The following HIVEP3 variants were observed in gnomAD, a reference collection of about 807,000 sequenced individuals.
HIVEP3 encodes transcription factor HIVEP3.
Under a neutral mutation model 152.8 loss-of-function variants are expected in HIVEP3, and 49 were observed. The observed-to-expected ratio is 0.32, with a 90% CI of 0.26 to 0.41. The LOEUF is 0.41. HIVEP3 is among the 10% of genes least tolerant of loss of function. HIVEP3 has a pLI of 1.00. For synonymous variants in HIVEP3, 1,269 were observed against 1,289.0 expected, an observed-to-expected ratio of 0.98 and a Z score of 0.33; for missense variants, 2,790 against 3,103.3, an observed-to-expected ratio of 0.90 and a Z score of 2.40.
intron 1 of HIVEP3, among the ~76,000 whole-genome samples, chr1:41,705,664 T>C (rs1274875587): frequency 6.6e-6 from 1 of 152,198 alleles, no homozygotes; most frequent in African/African-American, 2.4e-5. Flanking sequence ...ATGGGTGCTC[T>C]CACATCGCTG....
upstream of HIVEP3, among the ~76,000 whole-genome samples, chr1:41,921,764 C>G (rs369680108): frequency 2.2e-3 from 338 of 152,292 alleles, 2 homozygotes; most frequent in African/African-American, 7.7e-3. Flanking sequence ...TGGTCAGTTT[C>G]TCCACACAGA....
intron 1 of HIVEP3, among the ~76,000 whole-genome samples, chr1:42,028,996 G>A (rs1464203076): frequency 6.6e-6 from 1 of 152,192 alleles, no homozygotes; most frequent in Non-Finnish European, 1.5e-5. Context: ...ATTTTAGTGT[G>A]AAATCTCCCA....
intron 1 of HIVEP3, among the ~76,000 whole-genome samples, chr1:41,928,070 A>AAAC (rs1467744373): frequency 6.6e-6 from 1 of 151,822 alleles, no homozygotes; most frequent in East Asian, 1.9e-4. Context: ...CAAAAAAAAA[A>AAAC]AAAAAAAAAA....
intron 3 of HIVEP3, 65 bp downstream of exon 3, chr1:41,628,684 G>T: frequency 8.9e-7 from 1 of 1,117,694 alleles, no homozygotes; most frequent in Non-Finnish European, 1.1e-6. Context: ...AACTAAGCAA[G>T]CTCATGCAAG....
At chr1:41,518,231 TTGTC>T (rs1463290184) in intron 7 of HIVEP3, among the ~76,000 whole-genome samples, 167 bp downstream of exon 7, 1 of 152,072 alleles carries the variant, frequency 6.6e-6, no homozygotes, top group Non-Finnish European at 1.5e-5. Context: ...AATTTAACCT[TTGTC>T]TGATACTTGG....
At chr1:42,020,254 A>C (rs1645546110) in intron 1 of HIVEP3, among the ~76,000 whole-genome samples, 1 of 151,970 alleles carries the variant, frequency 6.6e-6, no homozygotes, top group African/African-American at 2.4e-5. Context: ...TCTCTGAAAG[A>C]GTATGTAAGA....
intron 1 of HIVEP3, among the ~76,000 whole-genome samples, chr1:41,857,803 C>G (rs1269864331): frequency 6.6e-6 from 1 of 152,176 alleles, no homozygotes; most frequent in Non-Finnish European, 1.5e-5. Context: ...CTCCTATTAC[C>G]TCTCTAAGCT....
At chr1:41,927,073 G>A (rs1644972116) in intron 1 of HIVEP3, among the ~76,000 whole-genome samples, 1 of 152,218 alleles carries the variant, frequency 6.6e-6, no homozygotes, top group African/African-American at 2.4e-5. Flanking sequence ...CAAGAACCAG[G>A]AGAGTCTGAT....
intron 3 of HIVEP3, among the ~76,000 whole-genome samples, chr1:41,620,694 C>T (rs762958548): frequency 1.3e-5 from 2 of 152,136 alleles, no homozygotes; most frequent in East Asian, 3.9e-4. Context: ...ATCTTTTCAC[C>T]CCTCTGTCTC....
chr1:41,618,856 C>T (rs969332193), intron 3 of HIVEP3, among the ~76,000 whole-genome samples: 14 of 152,218 alleles, frequency 9.2e-5, no homozygotes, highest in Non-Finnish European at 1.6e-4. Context: ...TTATACCTCA[C>T]GTCCCATCTG....
rs935128828 is a variant in HIVEP3, at chr1:41,918,186, G to A, written c.-801+227C>T. Among the ~76,000 whole-genome samples, 7 of 144,368 alleles carry A rather than the reference G, an allele frequency of 4.8e-5. No individual in the cohort carries two copies. The highest frequency in any genetic ancestry group is 1.2e-4 in the African/African-American group (5 of 40,960). 94.7% of individuals were successfully genotyped at this position (144,368 alleles called of 152,430 possible). A position where few individuals can be genotyped will look rare whatever the true frequency, so the allele number is the denominator to read the frequency against. On this transcript the variant is annotated intron_variant, in intron 1 of 8. Coordinates refer to ENST00000372583, the MANE Select transcript of HIVEP3 (RefSeq NM_024503.5). The surrounding 1 kb of genome is among the most constrained non-coding windows in gnomAD (Gnocchi z 4.3). The stretch of plus-strand genomic sequence containing the variant: ...GGCTCGCGCCGCTCCCCAGCACCAG[G>A]CCGAGCAGCGCGCTCAGCCCACCGG...
intron 6 of HIVEP3, among the ~76,000 whole-genome samples, chr1:41,520,429 G>A (rs762264750): frequency 2.0e-5 from 3 of 152,234 alleles, no homozygotes; most frequent in Non-Finnish European, 4.4e-5. Flanking sequence ...CTTGTAGCCA[G>A]AGGGTCCTCA....
intron 1 of HIVEP3, among the ~76,000 whole-genome samples, chr1:41,994,811 T>C (rs1645385980): frequency 6.6e-6 from 1 of 152,036 alleles, no homozygotes. Flanking sequence ...TGTTCAAATA[T>C]ATAAAGTATA....
At chr1:41,675,377 C>G (rs1325677168) in intron 2 of HIVEP3, among the ~76,000 whole-genome samples, 1 of 152,176 alleles carries the variant, frequency 6.6e-6, no homozygotes, top group Non-Finnish European at 1.5e-5. Flanking sequence ...CAGCGGACTC[C>G]TCTTCAACCT....
intron 1 of HIVEP3, among the ~76,000 whole-genome samples, chr1:41,913,394 A>G (rs1411592889): frequency 6.6e-6 from 1 of 152,100 alleles, no homozygotes; most frequent in East Asian, 1.9e-4. Flanking sequence ...TTATCAGGGC[A>G]TCTCTGATCT....
intron 2 of HIVEP3, among the ~76,000 whole-genome samples, chr1:41,698,787 C>A (rs776719968): frequency 1.5e-4 from 23 of 152,310 alleles, no homozygotes; most frequent in Admixed American, 2.6e-4. Flanking sequence ...ACAGCCCCCA[C>A]TGAATGTAGC....
In HIVEP3 at chr1:41,582,015, A is replaced by G; in HGVS notation, c.2783T>C (p.Leu928Pro). ...GESSFESSVP[L>P]SRSPSQESNV... ...GCTTTCCTGGCTCGGGCTGCGAGAC[A>G]GAGGCACAGAGGACTCGAAGCTGGA... The change falls in exon 4 of 9, where the codon CTG (leucine) becomes CCG (proline). Residue 928 changes from leucine (L) to proline (P), a missense_variant. Leu to Pro is a moderately conservative substitution (Grantham distance 98). Coordinates refer to ENST00000372583, the MANE Select transcript of HIVEP3 (RefSeq NM_024503.5). The surrounding 1 kb of genome is among the most constrained non-coding windows in gnomAD (Gnocchi z 4.7). The G allele has an allele frequency of 6.2e-7, 1 of 1,614,164 alleles. No homozygotes were observed.
chr1:41,862,315 T>C (rs1643898037), intron 1 of HIVEP3, among the ~76,000 whole-genome samples: 1 of 152,182 alleles, frequency 6.6e-6, no homozygotes, highest in Non-Finnish European at 1.5e-5. Context: ...TCCCCTAACA[T>C]TTATCTGACC....
intron 5 of HIVEP3, among the ~76,000 whole-genome samples, chr1:41,545,321 C>T (rs1475395251): frequency 1.3e-4 from 19 of 140,888 alleles, no homozygotes; most frequent in South Asian, 2.3e-4. Flanking sequence ...TCGCTACCAT[C>T]GCCACCATCA....
Sources: allele counts gnomAD v4.1 joint callset (sites outside exome capture counted in the v4.1 genomes callset), GRCh38; gene constraint gnomAD v4.1.1; non-coding constraint Gnocchi (gnomAD v3.1); transcripts MANE v1.5; gene names NCBI Gene and HGNC (gene_info 2026-07-23, HGNC 2026-07-21).